The following COL24A1 variants were observed in gnomAD, a reference collection of about 807,000 sequenced individuals.
The protein encoded by COL24A1 is collagen type XXIV alpha 1 chain, also known as collagen alpha-1(XXIV) chain.
In COL24A1, 224 loss-of-function variants were observed where a neutral mutation model predicts 253.9. The ratio of observed to expected loss-of-function variants is 0.88; its 90% CI spans 0.79 to 0.99. The LOEUF is 0.99. Among genes scored for constraint, COL24A1 ranks in the 50% least tolerant of loss-of-function variants. COL24A1 has a pLI of 0.00. For missense variants in COL24A1, 2,131 were observed against 2,068.5 expected (o/e 1.03, Z -0.59); for synonymous variants, 685 against 673.7 (o/e 1.02, Z -0.26).
chr1:86,065,153 G>A (rs951512826), intron 7 of COL24A1, among the ~76,000 whole-genome samples: 2 of 152,146 alleles, frequency 1.3e-5, no homozygotes, highest in Admixed American at 1.3e-4. Context: ...CAGGGTAGGA[G>A]GCTCATAGGT....
chr1:86,110,478 C>G (rs1453522558), intron 5 of COL24A1, among the ~76,000 whole-genome samples: 3 of 152,114 alleles, frequency 2.0e-5, no homozygotes, highest in African/African-American at 7.2e-5. Flanking sequence ...AGCCCTTCAG[C>G]CTGCCCCTGC....
chr1:86,042,824 T>C (rs1390225614), intron 12 of COL24A1, among the ~76,000 whole-genome samples: 1 of 152,182 alleles, frequency 6.6e-6, no homozygotes, highest in Non-Finnish European at 1.5e-5. Context: ...TACTAACTCA[T>C]TGGACAATTT....
intron 19 of COL24A1, among the ~76,000 whole-genome samples, chr1:86,008,896 CA>C (rs200534001): frequency 1.1e-4 from 16 of 144,216 alleles, no homozygotes; most frequent in Admixed American, 8.8e-4. Flanking sequence ...ACTATAACAA[CA>C]AAAAAATAAA....
chr1:85,845,284 ATGT>A (rs1677044166), intron 39 of COL24A1, among the ~76,000 whole-genome samples: 1 of 151,886 alleles, frequency 6.6e-6, no homozygotes, highest in South Asian at 2.1e-4. Context: ...ATCTAAACAA[ATGT>A]TGTAAAAGGA....
intron 43 of COL24A1, among the ~76,000 whole-genome samples, chr1:85,827,875 C>T (rs1461546976): frequency 6.6e-6 from 1 of 151,986 alleles, no homozygotes; most frequent in East Asian, 1.9e-4. Context: ...AAAACCAGCT[C>T]CTGGATTCAT....
At chr1:86,108,537 C>A (rs549305908) in intron 5 of COL24A1, among the ~76,000 whole-genome samples, 336 of 147,106 alleles carry the variant, frequency 2.3e-3, no homozygotes, top group Non-Finnish European at 3.8e-3. Flanking sequence ...ACTCCCAGCA[C>A]TTTGGGAGGT....
At chr1:85,888,286 A>T (rs1163772005) in intron 32 of COL24A1, among the ~76,000 whole-genome samples, 1 of 152,114 alleles carries the variant, frequency 6.6e-6, no homozygotes, top group Non-Finnish European at 1.5e-5. Flanking sequence ...TAGATATCAG[A>T]TAATAAACTA....
chr1:86,130,478 G>C (rs1024159878), intron 2 of COL24A1, among the ~76,000 whole-genome samples: 3 of 151,680 alleles, frequency 2.0e-5, no homozygotes, highest in Admixed American at 6.6e-5. Context: ...ATTTAGAAGG[G>C]TTTGTATTTT....
chr1:85,876,245 G>A (rs1042038961), intron 33 of COL24A1, among the ~76,000 whole-genome samples: 2 of 152,100 alleles, frequency 1.3e-5, no homozygotes, highest in Non-Finnish European at 2.9e-5. Context: ...GTAGATTTAA[G>A]AGAGAATGGG....
chr1:85,878,047 G>A (rs948146602), intron 32 of COL24A1, among the ~76,000 whole-genome samples: 5 of 151,974 alleles, frequency 3.3e-5, no homozygotes, highest in Non-Finnish European at 7.4e-5. Context: ...CATTTTTGTG[G>A]CTTGATAGCT....
chr1:85,870,421 T>C (rs1324496206), intron 35 of COL24A1, among the ~76,000 whole-genome samples: 1 of 152,186 alleles, frequency 6.6e-6, no homozygotes, highest in Non-Finnish European at 1.5e-5. Flanking sequence ...ATCACACTTA[T>C]TCCAAAATTG....
chr1:85,946,291 C>T (rs779606337), intron 24 of COL24A1, among the ~76,000 whole-genome samples: 2 of 152,126 alleles, frequency 1.3e-5, no homozygotes, highest in Non-Finnish European at 2.9e-5. Context: ...GACTCTGGGA[C>T]ACCGCACCGG....
At chr1:85,940,440 A>AAAAAAAT (rs1688643091) in intron 24 of COL24A1, among the ~76,000 whole-genome samples, 1 of 149,266 alleles carries the variant, frequency 6.7e-6, no homozygotes, top group Admixed American at 6.7e-5. Flanking sequence ...AAAAAAAAAA[A>AAAAAAAT]GTGCCATAAG....
At chr1:86,080,635 A>G (rs753433117) in intron 7 of COL24A1, among the ~76,000 whole-genome samples, 7 of 152,236 alleles carry the variant, frequency 4.6e-5, no homozygotes, top group Non-Finnish European at 7.4e-5. Context: ...AATGAAGCCT[A>G]TAATCTAATT....
chr1:85,792,306 T>C (rs910386004), intron 47 of COL24A1, among the ~76,000 whole-genome samples: 3 of 151,966 alleles, frequency 2.0e-5, no homozygotes, highest in Non-Finnish European at 2.9e-5. Context: ...ATATCATCTA[T>C]GCATAAGGAA....
chr1:86,063,256 T>C (rs1701224093), intron 8 of COL24A1, among the ~76,000 whole-genome samples: 1 of 152,108 alleles, frequency 6.6e-6, no homozygotes. Context: ...TGAAATTTAT[T>C]TGCATTTCCT....
chr1:85,835,378 C>T (rs1024429662), intron 43 of COL24A1, among the ~76,000 whole-genome samples: 1 of 152,116 alleles, frequency 6.6e-6, no homozygotes, highest in Non-Finnish European at 1.5e-5. Flanking sequence ...GATCTGCCCA[C>T]GGTGGCCTCC....
intron 39 of COL24A1, among the ~76,000 whole-genome samples, 156 bp downstream of exon 39, chr1:85,847,509 A>G (rs771366006): frequency 2.1e-4 from 32 of 152,050 alleles, no homozygotes; most frequent in Non-Finnish European, 4.3e-4. Flanking sequence ...GTACTGTGGA[A>G]TGCTTACAAT....
intron 24 of COL24A1, among the ~76,000 whole-genome samples, chr1:85,944,996 CATTGT>C (rs1689122581): frequency 1.9e-5 from 1 of 53,138 alleles, no homozygotes. Flanking sequence ...TCCAGTCTAT[CATTGT>C]GTTTTTTTTT....
Sources: gnomAD v4.1 joint callset for allele counts (sites outside exome capture counted in the v4.1 genomes callset) on GRCh38, gnomAD v4.1.1 for gene constraint, MANE v1.5 for transcripts, NCBI Gene and HGNC (gene_info 2026-07-23, HGNC 2026-07-21) for gene names.